The following PTPRF variants were observed in gnomAD, a reference collection of about 807,000 sequenced individuals.
The protein encoded by PTPRF is receptor-type tyrosine-protein phosphatase F.
A neutral mutation model predicts 201.8 loss-of-function variants in PTPRF; 59 were observed. That is an observed-to-expected ratio of 0.29 (90% CI 0.24 to 0.36). The LOEUF (loss-of-function observed/expected upper bound fraction) is 0.36, where lower values mean the gene tolerates loss of function less well. Ranked by LOEUF, PTPRF falls within the 10% of genes least tolerant of loss-of-function variation. PTPRF has a pLI of 1.00. For synonymous variants in PTPRF, 1,088 were observed against 1,089.7 expected, an observed-to-expected ratio of 1.00 and a Z score of 0.03; for missense variants, 2,132 against 2,690.5, an observed-to-expected ratio of 0.79 and a Z score of 4.59.
At chr1:43,559,863 T>C (rs962402810) in intron 5 of PTPRF, among the ~76,000 whole-genome samples, 1 of 140,904 alleles carries the variant, frequency 7.1e-6, no homozygotes, top group Non-Finnish European at 1.6e-5. Flanking sequence ...GTGCAGCAGG[T>C]GGTGTGTAGC....
intron 16 of PTPRF, 117 bp downstream of exon 16, chr1:43,604,306 C>G: frequency 9.5e-7 from 1 of 1,054,154 alleles, no homozygotes; most frequent in Non-Finnish European, 1.4e-6. Flanking sequence ...TGTGTGACCT[C>G]CAATCTCTCA....
At chr1:43,598,456 C>A (rs1652926126) in intron 12 of PTPRF, 4 of 516,828 alleles carry the variant, frequency 7.7e-6, no homozygotes, top group Non-Finnish European at 1.4e-5. Context: ...TGCCCCACCT[C>A]CACCTGTTCC....
rs972457269 is a variant in PTPRF at position 43,622,869 on chromosome 1, TAAAAAACAA to T, written c.*880_*888del. The T allele has an allele frequency of 3.7e-5, 5 of 135,120 alleles. No homozygotes were observed. Among genetic ancestry groups the T allele is most frequent in the South Asian group, 2.4e-4 (1 of 4,220 alleles). The allele number at this position is 135,120 out of a possible 1,614,324, so 8.4% of individuals were successfully genotyped here. ...AAACAAAAACAAAAAACCACAAAAA[TAAAAAACAA>T]AAAAAACAAAAAACCCAAGAAAAAA... On this transcript the variant is annotated 3_prime_UTR_variant, in exon 34 of 34. Transcript: ENST00000359947.
chr1:43,567,396 A>G (rs1646258463), intron 5 of PTPRF, among the ~76,000 whole-genome samples: 1 of 152,218 alleles, frequency 6.6e-6, no homozygotes, highest in African/African-American at 2.4e-5. Context: ...CTGAAAGGGC[A>G]CTGTGGGATC....
chr1:43,580,233 C>T (rs937884987), intron 7 of PTPRF, among the ~76,000 whole-genome samples: 1 of 152,026 alleles, frequency 6.6e-6, no homozygotes, highest in Admixed American at 6.6e-5. Flanking sequence ...GTGGCCTGTC[C>T]GACTCTTTGG....
chr1:43,617,710 C>T, intron 24 of PTPRF, 26 bp from the exon 25 acceptor site: 4 of 1,606,320 alleles, frequency 2.5e-6, no homozygotes, highest in African/African-American at 1.3e-5. Flanking sequence ...GTAGTAATGC[C>T]CTCCCACCTC....
intron 13 of PTPRF, among the ~76,000 whole-genome samples, chr1:43,600,320 C>G (rs922175234): frequency 1.3e-5 from 2 of 152,168 alleles, no homozygotes; most frequent in Non-Finnish European, 2.9e-5. Flanking sequence ...TTCAAGTGCC[C>G]CCTTCTGGTC....
At position 43,606,879 on chromosome 1, in the gene PTPRF, G is replaced by C. The variant is rs1165482795; in HGVS notation, c.3768G>C (p.Gln1256His). The C allele has an allele frequency of 6.2e-7, 1 of 1,614,094 alleles. No homozygotes were observed. Among genetic ancestry groups the C allele is most frequent in the African/African-American group, 1.3e-5 (1 of 74,948 alleles). Reference protein sequence around the residue: ...IVVQVTPAQQQEEPEMLWVTG... With the variant: ...IVVQVTPAQQHEEPEMLWVTG... Reference sequence around the variant, plus strand: ...TCCAGGTGACACCAGCCCAGCAGCAGGAGGAGCCGGAGATGCTGTGGGTGA... The same window carrying C: ...TCCAGGTGACACCAGCCCAGCAGCACGAGGAGCCGGAGATGCTGTGGGTGA... The change falls in exon 21 of 34, where the codon CAG becomes CAC. Residue 1256 changes from glutamine to histidine, a missense_variant. Physicochemically the swap from Gln to His is conservative, Grantham distance 24. Transcript: ENST00000359947.
At position 43,605,221 on chromosome 1, in the gene PTPRF, A is replaced by T. The variant is rs775609904; in HGVS notation, c.3167A>T (p.Asp1056Val). ...TACAATGGGCAGAGTGTGGAGGTGG[A>T]CGGGCACTCGATGCGGAAGCTGATC... ...ILYNGQSVEV[D>V]GHSMRKLIAD... The change falls in exon 18 of 34, where the codon GAC (aspartate) becomes GTC (valine). Residue 1056 changes from aspartate (D) to valine (V), a missense_variant. This residue lies in a region of PTPRF where 818 missense variants were observed against 915.3 expected (regional missense o/e 0.89). Transcript: ENST00000359947. 1 of 1,605,126 alleles carries T rather than the reference A, an allele frequency of 6.2e-7. No homozygotes were observed. Among genetic ancestry groups the T allele is most frequent in the Non-Finnish European group, 8.5e-7 (1 of 1,173,058 alleles).
Position 43,619,745 on chromosome 1 carries a change from C to T in PTPRF, c.4998C>T (p.Phe1666=). Residue 1666 remains phenylalanine (F), a synonymous_variant, in exon 29 of 34, where the codon TTC becomes TTT. Coordinates refer to ENST00000359947, the MANE Select transcript of PTPRF (RefSeq NM_002840.5). The part of the protein sequence containing the change: ...FISANLPCNK[F]KNRLVNIMPY... ...GCGCCAACCTGCCCTGCAACAAGTT[C>T]AAGAACCGGCTGGTGAACATCATGC... 1 of 1,614,262 alleles carries T rather than the reference C, an allele frequency of 6.2e-7. No homozygotes were observed. The highest frequency in any genetic ancestry group is 8.5e-7 in the Non-Finnish European group (1 of 1,180,036).
intron 11 of PTPRF, among the ~76,000 whole-genome samples, chr1:43,596,380 G>A (rs1652263798): frequency 6.6e-6 from 1 of 152,136 alleles, no homozygotes; most frequent in South Asian, 2.1e-4. Flanking sequence ...AGTGGGTCAA[G>A]GGGCTGCTGA....
intron 11 of PTPRF, among the ~76,000 whole-genome samples, chr1:43,596,973 G>A (rs1652424624): frequency 6.6e-6 from 1 of 152,114 alleles, no homozygotes; most frequent in African/African-American, 2.4e-5. Context: ...GTCTGTGTGA[G>A]AGACACTGAT....
At chr1:43,536,027 C>A (rs1208182352) in intron 1 of PTPRF, among the ~76,000 whole-genome samples, 1 of 152,136 alleles carries the variant, frequency 6.6e-6, no homozygotes, top group Non-Finnish European at 1.5e-5. Flanking sequence ...CCTTGGCCTC[C>A]CAAAGTGCCG....
At position 43,604,248 on chromosome 1, in the gene PTPRF, TCTC is replaced by T; in HGVS notation, c.3037+62_3037+64del. On this transcript the variant is annotated intron_variant, in intron 16 of 33. Coordinates refer to ENST00000359947, the MANE Select transcript of PTPRF (RefSeq NM_002840.5). ...TGTGGCTGCATCTGGGGGTCTCTGC[TCTC>T]CTTGAGCCACTGACCTCTGGCGACT... The T allele has an allele frequency of 3.2e-6, 5 of 1,550,818 alleles. No individual in the cohort carries two copies. The South Asian group carries it at 3.6e-5, about 11-fold the overall frequency.
At chr1:43,549,173 G>A (rs796503823) in intron 3 of PTPRF, among the ~76,000 whole-genome samples, 38 of 152,340 alleles carry the variant, frequency 2.5e-4, no homozygotes, top group African/African-American at 9.1e-4. Flanking sequence ...CTGGCAGAAA[G>A]GCCCTCCTGG....
chr1:43,600,259 T>C (rs1653416447), intron 13 of PTPRF, among the ~76,000 whole-genome samples: 2 of 152,066 alleles, frequency 1.3e-5, no homozygotes, highest in East Asian at 3.9e-4. Context: ...CCCTCCTCTC[T>C]GAGGGGGCCA....
At chr1:43,525,064 A>G (rs912881288), upstream of PTPRF, 18 of 152,240 alleles carry the variant, frequency 1.2e-4, no homozygotes, top group Admixed American at 1.0e-3. Context: ...GACAGATATG[A>G]TAAAAAGGCA....
At chr1:43,562,836 C>T (rs76513625) in intron 5 of PTPRF, among the ~76,000 whole-genome samples, 4,389 of 151,946 alleles carry the variant, frequency 0.029, 218 homozygotes, top group African/African-American at 0.099. Context: ...ATGGCATTGG[C>T]GCAAATCTGG....
chr1:43,610,606 G>C (rs1171359486), intron 22 of PTPRF, among the ~76,000 whole-genome samples: 1 of 152,216 alleles, frequency 6.6e-6, no homozygotes, highest in Non-Finnish European at 1.5e-5. Flanking sequence ...CTGGCTGGGC[G>C]TGGTGGCTCA....
Sources: allele counts gnomAD v4.1 joint callset (sites outside exome capture counted in the v4.1 genomes callset), GRCh38; gene constraint gnomAD v4.1.1; regional missense constraint gnomAD v4.1.1; transcripts MANE v1.5; gene names NCBI Gene and HGNC (gene_info 2026-07-23, HGNC 2026-07-21).